The following SREBF1 variants were observed in gnomAD, a reference collection of about 807,000 sequenced individuals.
SREBF1 encodes sterol regulatory element binding transcription factor 1, also known as sterol regulatory element-binding protein 1.
Under a neutral mutation model 100.1 loss-of-function variants are expected in SREBF1, and 45 were observed. The observed-to-expected ratio is 0.45, with a 90% CI of 0.35 to 0.58. The LOEUF (loss-of-function observed/expected upper bound fraction) is 0.58, where lower values mean the gene tolerates loss of function less well. Among genes scored for constraint, SREBF1 ranks in the 20% least tolerant of loss-of-function variants. The pLI, the probability that SREBF1 is intolerant of heterozygous loss-of-function variation, is 0.00. For missense variants in SREBF1, 1,324 were observed against 1,539.4 expected, an observed-to-expected ratio of 0.86 and a Z score of 2.34; for synonymous variants, 657 against 681.8, an observed-to-expected ratio of 0.96 and a Z score of 0.57.
rs753587590 is a variant in SREBF1, at chr17:17,817,466, G to A, written c.1405-9C>T. The A allele has an allele frequency of 1.9e-6, 3 of 1,576,020 alleles. No individual in the cohort carries two copies. Among genetic ancestry groups the A allele is most frequent in the African/African-American group, 1.3e-5 (1 of 74,420 alleles). On this transcript the variant is annotated splice_polypyrimidine_tract_variant and intron_variant, in intron 7 of 18. Transcript: ENST00000261646. This position sits in a 1 kb window ranked among gnomAD's most constrained non-coding sequence, Gnocchi z 6.6. The stretch of plus-strand genomic sequence containing the variant: ...CGCTGCTCTGGCTTTGCCTGGTGGG[G>A]TTGGGCAGGGTGGTGAGGGCAGAAT...
chr17:17,814,366 C>T lies in SREBF1; in HGVS notation c.2780G>A (p.Arg927Gln), dbSNP rs748241108. Residue 927 changes from arginine to glutamine, a missense_variant, in exon 16 of 19, where the codon CGG (arginine) becomes CAG (glutamine). Physicochemically the swap from Arg to Gln is conservative, Grantham distance 43. Coordinates refer to ENST00000261646, the MANE Select transcript of SREBF1 (RefSeq NM_004176.5). ...RAALHSFKAA[R>Q]ALLGCAKAES... ...TGCCTTGGCACAGCCCAGCAGGGCC[C>T]GGGCAGCCTTGAAGGAGTGCAGAGC... 2.2e-5 allele frequency: 34 copies of T among 1,568,986 alleles called. No individual in the cohort carries two copies. The highest frequency in any genetic ancestry group is 3.7e-5 in the Admixed American group (2 of 53,546).
Position 17,815,930 on chromosome 17 carries a change from G to A in SREBF1, c.2313C>T (p.Phe771=), listed in dbSNP as rs572068338. Residue 771 remains phenylalanine, a synonymous_variant, in exon 12 of 19, where the codon TTC becomes TTT. Coordinates refer to ENST00000261646, the MANE Select transcript of SREBF1 (RefSeq NM_004176.5). ...GCACGGACCAGTCCCCATCCACGAA[G>A]AAACGGTGGCCCACGGGGTGGCAGA... ...QWLCHPVGHR[F]FVDGDWSVLS... 6.2e-7 allele frequency: 1 copy of A among 1,612,976 alleles called. No homozygotes were observed. The highest frequency in any genetic ancestry group is 2.2e-5 in the East Asian group (1 of 44,880).
rs1472260119 is a variant in SREBF1 at position 17,814,297 on chromosome 17, C to T, written c.2849G>A (p.Gly950Glu). 1.4e-5 allele frequency: 23 copies of T among 1,603,082 alleles called. No individual in the cohort carries two copies. The highest frequency in any genetic ancestry group is 1.9e-5 in the Non-Finnish European group (22 of 1,175,756). ...GGTAGCCAGGCTGTCCTGCAGGTAC[C>T]CACTGGCCTTCTCACAGATGGTCAG... ...ASLTICEKASGYLQDSLATTP... is the reference protein window; with the variant it reads ...ASLTICEKASEYLQDSLATTP... The change falls in exon 16 of 19, where the codon GGG (glycine) becomes GAG (glutamate). Residue 950 changes from glycine (G) to glutamate (E), a missense_variant. By Grantham distance (98) the Gly-to-Glu change is moderately conservative. Transcript: ENST00000261646.
In SREBF1 at chr17:17,815,276, C is replaced by T; in HGVS notation, c.2437G>A (p.Ala813Thr). 6.2e-7 allele frequency: 1 copy of T among 1,613,712 alleles called. No individual in the cohort carries two copies. The highest frequency in any genetic ancestry group is 8.5e-7 in the Non-Finnish European group (1 of 1,180,000). ...QLFREHLLER[A>T]LNCVTQPNPS... ...TTGGGCTGGGTCACACAGTTCAGTGCTCGCTCTAAGAGATGTTCCCGGAAT... is the reference window on the plus strand; with the variant it reads ...TTGGGCTGGGTCACACAGTTCAGTGTTCGCTCTAAGAGATGTTCCCGGAAT... The change falls in exon 13 of 19, where the codon GCA (alanine) becomes ACA (threonine). Residue 813 changes from alanine to threonine, a missense_variant. By Grantham distance (58) the Ala-to-Thr change is moderately conservative (BLOSUM62 0). Coordinates refer to ENST00000261646, the MANE Select transcript of SREBF1 (RefSeq NM_004176.5).
intron 1 of SREBF1, among the ~76,000 whole-genome samples, chr17:17,826,645 T>G (rs1032915470): frequency 1.3e-5 from 2 of 152,222 alleles, no homozygotes; most frequent in African/African-American, 4.8e-5. Context: ...TCCTCTTCCC[T>G]CTTCTTCTTC....
chr17:17,816,912 G>A, intron 9 of SREBF1, 46 bp downstream of exon 9: 2 of 1,611,210 alleles, frequency 1.2e-6, no homozygotes, highest in Non-Finnish European at 1.7e-6. Flanking sequence ...CACCTTCACA[G>A]CCTGGGGTCC....
At position 17,836,962 on chromosome 17, in the gene SREBF1, G is replaced by A; in HGVS notation, c.-145C>T. On this transcript the variant is annotated 5_prime_UTR_variant, in exon 1 of 19. Coordinates refer to ENST00000261646, the MANE Select transcript of SREBF1 (RefSeq NM_004176.5). ...GCCCTGGCCTCAGAGGCGGCCCGGC[G>A]CCGGCGAAAAGTTCCTCGGAAACTG... 1.4e-6 allele frequency: 1 copy of A among 690,098 alleles called. No individual in the cohort carries two copies. The highest frequency in any genetic ancestry group is 2.2e-6 in the Non-Finnish European group (1 of 463,618). 42.7% of individuals were successfully genotyped at this position (690,098 alleles called of 1,614,324 possible).
Position 17,815,398 on chromosome 17 carries a change from T to C in SREBF1, c.2384-69A>G. 4 of 1,362,830 alleles carry C rather than the reference T, an allele frequency of 2.9e-6. No homozygotes were observed. In the South Asian group the frequency reaches 3.5e-5, roughly 12 times the overall value. 84.4% of individuals were successfully genotyped at this position (1,362,830 alleles called of 1,614,324 possible). ...CCCTCCTCTCCAAGCTAAGGGCTTT[T>C]TCCTGGGTGGGCTGGGGCCACACCT... On this transcript the variant is annotated intron_variant, in intron 12 of 18. Transcript: ENST00000261646.
At chr17:17,815,438 G>A in intron 12 of SREBF1, 109 bp from the exon 13 acceptor site, 1 of 855,078 alleles carries the variant, frequency 1.2e-6, no homozygotes, top group South Asian at 1.5e-5. Context: ...CCACTGGGAA[G>A]TGCCGGCATG....
chr17:17,812,296 A>AAAT lies in SREBF1; in HGVS notation c.*323_*325dup, dbSNP rs1174290713. 1 of 474,544 alleles carries AAAT rather than the reference A, an allele frequency of 2.1e-6. No individual in the cohort carries two copies. The highest frequency in any genetic ancestry group is 3.8e-6 in the Non-Finnish European group (1 of 263,654). 29.4% of individuals were successfully genotyped at this position (474,544 alleles called of 1,614,324 possible). On this transcript the variant is annotated 3_prime_UTR_variant, in exon 19 of 19. Transcript: ENST00000261646. ...CAAGTTGGCTTCCGTCAGCACAGGGAAATGTACCCCTCTCTTCCCTGTACA... is the reference window on the plus strand; with the variant it reads ...CAAGTTGGCTTCCGTCAGCACAGGGAAATAATGTACCCCTCTCTTCCCTGTACA...
In SREBF1 at chr17:17,812,094, T is replaced by TTTAA. The variant is rs1280319957; in HGVS notation, c.*524_*527dup. On this transcript the variant is annotated 3_prime_UTR_variant, in exon 19 of 19. Coordinates refer to ENST00000261646, the MANE Select transcript of SREBF1 (RefSeq NM_004176.5). ...AACCCAGATTATAAATAATTTCATTTTTAATTCTCTGTACAAAACTTCTCA... is the reference window on the plus strand; with the variant it reads ...AACCCAGATTATAAATAATTTCATTTTTAATTAATTCTCTGTACAAAACTTCTCA... 9.3e-6 allele frequency: 4 copies of TTTAA among 432,430 alleles called. No individual in the cohort carries two copies. Among genetic ancestry groups the TTTAA allele is most frequent in the Non-Finnish European group, 1.4e-5 (3 of 221,640 alleles). 26.8% of individuals were successfully genotyped at this position (432,430 alleles called of 1,614,324 possible). A position where few individuals can be genotyped will look rare whatever the true frequency, so the allele number is the denominator to read the frequency against.
chr17:17,834,025 C>CAGAAAG (rs113396102), intron 1 of SREBF1, among the ~76,000 whole-genome samples: 1 of 147,510 alleles, frequency 6.8e-6, no homozygotes, highest in Non-Finnish European at 1.5e-5. Flanking sequence ...CATATAAACA[C>CAGAAAG]ACAGAGAGAG....
Position 17,818,268 on chromosome 17 carries a change from T to A in SREBF1, c.1175A>T (p.His392Leu), listed in dbSNP as rs200577288. 96 of 1,613,412 alleles carry A rather than the reference T, an allele frequency of 6.0e-5. No homozygotes were observed. The highest frequency in any genetic ancestry group is 7.6e-5 in the Non-Finnish European group (90 of 1,179,606). ...QENLSLRTAV[H>L]KSKSLKDLVS... ...ATAAAGCCAGGACTCACTGCTTTTG[T>A]GGACAGCAGTGCGCAGACTTAGGTT... Residue 392 changes from histidine to leucine, a missense_variant, in exon 6 of 19, where the codon CAC becomes CTC. His to Leu is a moderately conservative substitution (Grantham distance 99). Transcript: ENST00000261646.
At chr17:17,815,780 C>T in intron 12 of SREBF1, 80 bp downstream of exon 12, 1 of 1,467,834 alleles carries the variant, frequency 6.8e-7, no homozygotes, top group South Asian at 1.2e-5. Context: ...CAGAGACAGC[C>T]AGAGATTCAG....
In SREBF1 at chr17:17,811,675, G is replaced by A; in HGVS notation, c.*947C>T. The A allele has an allele frequency of 2.2e-6, 1 of 453,134 alleles. No individual in the cohort carries two copies. The highest frequency in any genetic ancestry group is 1.6e-5 in the South Asian group (1 of 64,210). 28.1% of individuals were successfully genotyped at this position (453,134 alleles called of 1,614,324 possible). A position where few individuals can be genotyped will look rare whatever the true frequency, so the allele number is the denominator to read the frequency against. ...TTTGCTGTGAGATGACCAGGGGCCG[G>A]GATGGGGGAGGTGAGACGTGCCAGA... On this transcript the variant is annotated 3_prime_UTR_variant, in exon 19 of 19. Transcript: ENST00000261646.
chr17:17,836,758 A>G lies in SREBF1; in HGVS notation c.60T>C (p.Asp20=). ...ALEQALGEPC[D]LDAALLTDIE... ...TGTCGGTCAGCAGCGCCGCGTCCAG[A>G]TCGCACGGCTCGCCCAGCGCCTGCT... The change falls in exon 1 of 19, where the codon GAT becomes GAC. Residue 20 remains aspartate (D), a synonymous_variant. Transcript: ENST00000261646. 1 of 1,572,856 alleles carries G rather than the reference A, an allele frequency of 6.4e-7. No homozygotes were observed. Among genetic ancestry groups the G allele is most frequent in the Non-Finnish European group, 8.6e-7 (1 of 1,167,286 alleles).
At chr17:17,819,907 G>A in intron 2 of SREBF1, 182 bp from the exon 3 acceptor site, 4 of 1,160,524 alleles carry the variant, frequency 3.4e-6, no homozygotes, top group Non-Finnish European at 4.7e-6. Flanking sequence ...TCCAGTGCGA[G>A]GTTGCGCCTA....
rs776592557 is a variant in SREBF1, at chr17:17,815,881, A to C, written c.2362T>G (p.Tyr788Asp). 2 of 1,612,758 alleles carry C rather than the reference A, an allele frequency of 1.2e-6. No homozygotes were observed. The highest frequency in any genetic ancestry group is 1.7e-6 in the Non-Finnish European group (2 of 1,179,870). Reference protein sequence around the residue: ...SVLSTPWESLYSLAGNPVDPL... With the variant: ...SVLSTPWESLDSLAGNPVDPL... ...GCACCTGGGTTCCCGGCCAAGCTGT[A>C]CAGGCTCTCCCATGGGGTACTGAGC... The change falls in exon 12 of 19, where the codon TAC becomes GAC. Residue 788 changes from tyrosine to aspartate, a missense_variant. Tyr to Asp is a radical substitution (Grantham distance 160). Transcript: ENST00000261646.
Position 17,818,460 on chromosome 17 carries a change from C to T in SREBF1, c.1069-86G>A, listed in dbSNP as rs182701073. The T allele has an allele frequency of 8.4e-4, 793 of 943,266 alleles. 2 individuals are homozygous for T. The highest frequency in any genetic ancestry group is 1.4e-3 in the Admixed American group (72 of 53,136). 58.4% of individuals were successfully genotyped at this position (943,266 alleles called of 1,614,324 possible). ...GTTGGAGAGCCCTAGCAAGGGGGTG[C>T]GGAGCTGCTTTGCAACATTACTGCC... is the stretch of plus-strand genomic sequence containing the variant. On this transcript the variant is annotated intron_variant, in intron 5 of 18. Transcript: ENST00000261646.
Sources: allele counts gnomAD v4.1 joint callset (sites outside exome capture counted in the v4.1 genomes callset), GRCh38; gene constraint gnomAD v4.1.1; non-coding constraint Gnocchi (gnomAD v3.1); transcripts MANE v1.5; gene names NCBI Gene and HGNC (gene_info 2026-07-23, HGNC 2026-07-21).